Variants in SLC44A5 observed in about 807,000 individuals in gnomAD.
The protein encoded by SLC44A5 is choline transporter-like protein 5.
In SLC44A5, 57 loss-of-function variants were observed where a neutral mutation model predicts 101.8. The observed-to-expected ratio is 0.56, with a 90% confidence interval of 0.45 to 0.70. The LOEUF (loss-of-function observed/expected upper bound fraction) is 0.70. SLC44A5 is among the 30% of genes least tolerant of loss of function. SLC44A5 has a pLI of 0.00. For synonymous variants in SLC44A5, 281 were observed against 290.9 expected (o/e 0.97, Z 0.35); for missense variants, 737 against 853.1 (o/e 0.86, Z 1.70).
chr1:75,217,875 G>C lies in SLC44A5; in HGVS notation c.1615C>G (p.Arg539Gly). 1 of 1,580,778 alleles carries C rather than the reference G, an allele frequency of 6.3e-7. No individual in the cohort carries two copies. Among genetic ancestry groups the C allele is most frequent in the South Asian group, 1.1e-5 (1 of 90,236 alleles). ...ACATCTGAAATCTTACGTTTAAGAC[G>C]GTGGTCCAAGTATTCTAGTACAATT... ...FKIVLEYLDH[R>G]LKRTQNTLSK... Residue 539 changes from arginine (R) to glycine (G), a missense_variant, in exon 18 of 24, where the codon CGT (arginine) becomes GGT (glycine). Physicochemically the swap from Arg to Gly is moderately radical, Grantham distance 125. Coordinates refer to ENST00000370859, the MANE Select transcript of SLC44A5 (RefSeq NM_001130058.2).
At chr1:75,449,817 A>G (rs1337398991) in intron 2 of SLC44A5, among the ~76,000 whole-genome samples, 1 of 152,124 alleles carries the variant, frequency 6.6e-6, no homozygotes, top group Admixed American at 6.5e-5. Flanking sequence ...CCTGGCCAAC[A>G]TGGTGAAACT....
At chr1:75,475,455 T>A (rs867462918) in intron 2 of SLC44A5, among the ~76,000 whole-genome samples, 3 of 152,236 alleles carry the variant, frequency 2.0e-5, no homozygotes, top group Non-Finnish European at 4.4e-5. Flanking sequence ...TTTCTCTGAT[T>A]ACTCAGAAAG....
intron 5 of SLC44A5, among the ~76,000 whole-genome samples, chr1:75,291,886 C>T (rs1454104581): frequency 1.3e-5 from 2 of 151,846 alleles, no homozygotes; most frequent in African/African-American, 4.8e-5. Context: ...GTGGCGGGCA[C>T]CTGTAGTCCC....
intron 1 of SLC44A5, among the ~76,000 whole-genome samples, chr1:75,598,468 T>C (rs919786180): frequency 1.3e-5 from 2 of 152,192 alleles, no homozygotes; most frequent in Non-Finnish European, 2.9e-5. Flanking sequence ...TAAAGACACA[T>C]GTACACGTAT....
the SLC44A5 span, among the ~76,000 whole-genome samples, chr1:75,674,626 CCA>C: frequency 0.47 from 37,937 of 80,840 alleles, 5,088 homozygotes; most frequent in Non-Finnish European, 0.5. Context: ...GTGATCCCCC[CCA>C]ACCTCAGCCT....
At chr1:75,679,406 C>T in the SLC44A5 span, among the ~76,000 whole-genome samples, 9,667 of 150,228 alleles carry the variant, frequency 0.064, 546 homozygotes, top group African/African-American at 0.16. Flanking sequence ...AGACTAACAG[C>T]GGATCTCTCA....
chr1:75,374,618 G>A (rs544551885), intron 3 of SLC44A5, among the ~76,000 whole-genome samples: 7 of 152,264 alleles, frequency 4.6e-5, no homozygotes, highest in Non-Finnish European at 1.0e-4. Context: ...GAGGCATGTG[G>A]CTAAGAGCCT....
intron 23 of SLC44A5, among the ~76,000 whole-genome samples, chr1:75,209,820 G>T (rs964261627): frequency 2.0e-5 from 3 of 152,114 alleles, no homozygotes; most frequent in Admixed American, 1.3e-4. Flanking sequence ...TTCAGTAATG[G>T]CCTGTCAGAG....
At chr1:75,479,491 G>C (rs1302839118) in intron 2 of SLC44A5, among the ~76,000 whole-genome samples, 2 of 152,112 alleles carry the variant, frequency 1.3e-5, no homozygotes, top group African/African-American at 4.8e-5. Context: ...CAACAAAATT[G>C]ATAGACCGCT....
chr1:75,406,497 A>T (rs1662876508), intron 2 of SLC44A5, among the ~76,000 whole-genome samples: 1 of 152,226 alleles, frequency 6.6e-6, no homozygotes, highest in South Asian at 2.1e-4. Flanking sequence ...GCAGCACATC[A>T]AAAAGCTTAT....
At chr1:75,213,298 C>T (rs895870537) in intron 22 of SLC44A5, among the ~76,000 whole-genome samples, 47 of 152,098 alleles carry the variant, frequency 3.1e-4, no homozygotes, top group African/African-American at 1.1e-3. Context: ...TTCTACTATT[C>T]CTTTTTAAAA....
At chr1:75,543,684 TAC>T (rs1390555529) in intron 1 of SLC44A5, among the ~76,000 whole-genome samples, 8 of 30,124 alleles carry the variant, frequency 2.7e-4, no homozygotes, top group Admixed American at 4.0e-4. Context: ...CACATATATA[TAC>T]ACATATATAT....
At chr1:75,701,140 C>T in the SLC44A5 span, among the ~76,000 whole-genome samples, 1 of 152,132 alleles carries the variant, frequency 6.6e-6, no homozygotes, top group Admixed American at 6.5e-5. Flanking sequence ...AGAGGGAATC[C>T]TCCCTAACTC....
At chr1:75,592,400 G>A (rs1369756614) in intron 1 of SLC44A5, among the ~76,000 whole-genome samples, 1 of 151,878 alleles carries the variant, frequency 6.6e-6, no homozygotes, top group Non-Finnish European at 1.5e-5. Context: ...TATGAATATT[G>A]TTAAAATGTC....
At chr1:75,627,334 G>A in the SLC44A5 span, among the ~76,000 whole-genome samples, 42,133 of 151,782 alleles carry the variant, frequency 0.28, 7,030 homozygotes, top group East Asian at 0.81. Flanking sequence ...AGGGGATAGG[G>A]TTGCAATAGT....
chr1:75,522,265 A>C (rs1670168953), intron 2 of SLC44A5: 1 of 152,112 alleles, frequency 6.6e-6, no homozygotes, highest in African/African-American at 2.4e-5. Context: ...CTATGTGTAT[A>C]ATGCACCAGT....
chr1:75,218,357 G>C, intron 17 of SLC44A5, 133 bp downstream of exon 17: 1 of 1,219,736 alleles, frequency 8.2e-7, no homozygotes, highest in Non-Finnish European at 1.1e-6. Context: ...AAAACCAATG[G>C]GCATCCATGA....
At chr1:75,668,299 C>G in the SLC44A5 span, among the ~76,000 whole-genome samples, 1 of 137,696 alleles carries the variant, frequency 7.3e-6, no homozygotes, top group African/African-American at 2.9e-5. Flanking sequence ...AAAAGAATGT[C>G]CTGGATCCTA....
chr1:75,247,653 T>C (rs771163080), intron 7 of SLC44A5, among the ~76,000 whole-genome samples: 2 of 152,026 alleles, frequency 1.3e-5, no homozygotes, highest in South Asian at 2.1e-4. Flanking sequence ...AGGAGACTGA[T>C]AGGGAGTAGA....
Sources: gnomAD v4.1 joint callset for allele counts (sites outside exome capture counted in the v4.1 genomes callset) on GRCh38, gnomAD v4.1.1 for gene constraint, MANE v1.5 for transcripts, NCBI Gene and HGNC (gene_info 2026-07-23, HGNC 2026-07-21) for gene names.